The following AGBL4 variants were observed in gnomAD, a reference collection of about 807,000 sequenced individuals.
AGBL4 encodes AGBL carboxypeptidase 4, also known as cytosolic carboxypeptidase 6.
Under a neutral mutation model 66.4 loss-of-function variants are expected in AGBL4, and 58 were observed. That is an observed-to-expected ratio of 0.87 (90% CI 0.71 to 1.09). The LOEUF is 1.09. Ranked by LOEUF, AGBL4 falls within the 50% of genes least tolerant of loss-of-function variation. The pLI is 0.00. For missense variants in AGBL4, 579 were observed against 631.0 expected (o/e 0.92, Z 0.88); for synonymous variants, 234 against 222.9 (o/e 1.05, Z -0.44).
At chr1:48,970,535 C>T (rs922596946) in intron 5 of AGBL4, among the ~76,000 whole-genome samples, 2 of 152,148 alleles carry the variant, frequency 1.3e-5, no homozygotes, top group African/African-American at 4.8e-5. Context: ...AAATGATCTA[C>T]TGTTGCATTA....
chr1:48,710,438 C>A (rs1013923437), intron 6 of AGBL4, among the ~76,000 whole-genome samples: 1 of 152,072 alleles, frequency 6.6e-6, no homozygotes, highest in Admixed American at 6.6e-5. Context: ...GGAGCCAGAG[C>A]GTGGGGTGGT....
chr1:49,803,101 TTA>T (rs1416370729), intron 2 of AGBL4, among the ~76,000 whole-genome samples: 5 of 150,812 alleles, frequency 3.3e-5, no homozygotes, highest in Middle Eastern at 3.5e-3. Context: ...TATCTAAATT[TTA>T]TATATTCATA....
chr1:48,699,387 C>A (rs934269916), intron 6 of AGBL4, among the ~76,000 whole-genome samples: 6 of 152,200 alleles, frequency 3.9e-5, no homozygotes, highest in African/African-American at 1.4e-4. Context: ...TGAATATTAT[C>A]ATTTTTACAT....
intron 5 of AGBL4, among the ~76,000 whole-genome samples, chr1:48,893,535 AT>A (rs1362473223): frequency 6.6e-6 from 1 of 151,664 alleles, no homozygotes; most frequent in Non-Finnish European, 1.5e-5. Context: ...CAAAAAAAAA[AT>A]TAGCTGGGCA....
At chr1:49,490,989 C>T (rs973858834) in intron 3 of AGBL4, among the ~76,000 whole-genome samples, 1 of 151,694 alleles carries the variant, frequency 6.6e-6, no homozygotes, top group East Asian at 1.9e-4. Flanking sequence ...AAATATCTAC[C>T]TTAGAGATAG....
intron 9 of AGBL4, among the ~76,000 whole-genome samples, chr1:48,603,278 T>C (rs1018478560): frequency 6.6e-6 from 1 of 152,026 alleles, no homozygotes; most frequent in Non-Finnish European, 1.5e-5. Context: ...GAGACAATCC[T>C]GGTCAACATG....
At chr1:48,963,251 C>A (rs1571110735) in intron 5 of AGBL4, among the ~76,000 whole-genome samples, 2 of 152,034 alleles carry the variant, frequency 1.3e-5, no homozygotes, top group South Asian at 4.2e-4. Flanking sequence ...TTAATCCATT[C>A]ATGAGGGCAG....
At chr1:48,594,916 A>T (rs139016097) in intron 9 of AGBL4, among the ~76,000 whole-genome samples, 2 of 152,178 alleles carry the variant, frequency 1.3e-5, no homozygotes, top group Non-Finnish European at 2.9e-5. Flanking sequence ...CACGTAAAAA[A>T]ATGATGATAT....
At chr1:48,616,042 C>A (rs1260346884) in intron 9 of AGBL4, among the ~76,000 whole-genome samples, 3 of 152,162 alleles carry the variant, frequency 2.0e-5, no homozygotes, top group African/African-American at 4.8e-5. Context: ...GATCTGATCA[C>A]CTCCTAAAGG....
chr1:49,044,671 T>C (rs1296485965), intron 5 of AGBL4, among the ~76,000 whole-genome samples: 1 of 152,120 alleles, frequency 6.6e-6, no homozygotes, highest in Non-Finnish European at 1.5e-5. Context: ...ACCTGGATTA[T>C]CTGGGTAAAT....
intron 8 of AGBL4, among the ~76,000 whole-genome samples, chr1:48,642,399 C>T (rs1195792152): frequency 2.6e-5 from 4 of 152,126 alleles, no homozygotes; most frequent in African/African-American, 4.8e-5. Flanking sequence ...TTCTCCCTTC[C>T]CGTACAGAGC....
intron 3 of AGBL4, among the ~76,000 whole-genome samples, chr1:49,344,120 C>T (rs369869848): frequency 2.0e-4 from 31 of 152,074 alleles, no homozygotes; most frequent in East Asian, 1.2e-3. Context: ...GACCTATCTG[C>T]GCTCTGTCTA....
At chr1:48,671,824 T>G (rs974529805) in intron 6 of AGBL4, among the ~76,000 whole-genome samples, 1 of 152,210 alleles carries the variant, frequency 6.6e-6, no homozygotes, top group African/African-American at 2.4e-5. Flanking sequence ...TAAATACTTG[T>G]GAAGTAGTAT....
At chr1:48,899,414 G>A (rs1014210729) in intron 5 of AGBL4, among the ~76,000 whole-genome samples, 10 of 107,770 alleles carry the variant, frequency 9.3e-5, no homozygotes, top group South Asian at 3.6e-4. Context: ...CAAACAATAA[G>A]TTAATAGTTT....
intron 1 of AGBL4, among the ~76,000 whole-genome samples, chr1:49,877,527 T>C (rs1395563231): frequency 2.6e-5 from 4 of 151,434 alleles, no homozygotes; most frequent in African/African-American, 9.7e-5. Context: ...TCATGGTGGA[T>C]AAGCTTTTTG....
chr1:48,880,300 T>C (rs1435576318), intron 5 of AGBL4, among the ~76,000 whole-genome samples: 1 of 152,222 alleles, frequency 6.6e-6, no homozygotes, highest in African/African-American at 2.4e-5. Flanking sequence ...ATTAATTCAT[T>C]CCTTTTTAAG....
chr1:49,609,876 T>G (rs1181677644), intron 3 of AGBL4, among the ~76,000 whole-genome samples: 1 of 152,164 alleles, frequency 6.6e-6, no homozygotes, highest in East Asian at 1.9e-4. Context: ...TTTGCATAGT[T>G]GTAAGAATTA....
At chr1:48,863,645 A>G (rs1420764586) in intron 6 of AGBL4, among the ~76,000 whole-genome samples, 1 of 152,112 alleles carries the variant, frequency 6.6e-6, no homozygotes, top group East Asian at 1.9e-4. Context: ...TCGAGAAGAA[A>G]ATAGATTTTG....
chr1:49,554,000 G>A (rs959263340), intron 3 of AGBL4, among the ~76,000 whole-genome samples: 5 of 152,024 alleles, frequency 3.3e-5, no homozygotes, highest in African/African-American at 9.7e-5. Flanking sequence ...CTTAGCTGGC[G>A]TTAGTGGTGC....
Sources: allele counts gnomAD v4.1 joint callset (sites outside exome capture counted in the v4.1 genomes callset), GRCh38; gene constraint gnomAD v4.1.1; transcripts MANE v1.5; gene names NCBI Gene and HGNC (gene_info 2026-07-23, HGNC 2026-07-21).